MRI1: variants seen among roughly 807,000 people sequenced by gnomAD.
The protein encoded by MRI1 is methylthioribose-1-phosphate isomerase 1, also known as methylthioribose-1-phosphate isomerase.
MRI1 carries 32 observed loss-of-function variants against 27.3 expected under a neutral mutation model. The ratio of observed to expected loss-of-function variants is 1.17; its 90% confidence interval spans 0.88 to 1.57. MRI1 has a LOEUF of 1.57. Ranked by LOEUF, MRI1 falls within the 40% of genes most tolerant of loss-of-function variation. MRI1 has a pLI of 0.00. For missense variants in MRI1, 508 were observed against 516.1 expected (o/e 0.98, Z 0.15); for synonymous variants, 216 against 227.4 (o/e 0.95, Z 0.45).
rs1974289742 is a variant in MRI1 at position 13,772,497 on chromosome 19, A to C, written c.*216A>C. ...CCCACTGTATGATCTTGGGCAAGTC[A>C]CTTCACCTCTCTGTGCCTTGGTTTC... On this transcript the variant is annotated 3_prime_UTR_variant, in exon 6 of 6. Coordinates refer to ENST00000040663, the MANE Select transcript of MRI1 (RefSeq NM_001031727.4). The C allele has an allele frequency of 2.1e-6, 1 of 473,010 alleles. No homozygotes were observed. The highest frequency in any genetic ancestry group is 2.0e-5 in the African/African-American group (1 of 50,112). The allele number at this position is 473,010 out of a possible 1,614,324, so 29.3% of individuals were successfully genotyped here. A position where few individuals can be genotyped will look rare whatever the true frequency, so the allele number is the denominator to read the frequency against.
At position 13,773,628 on chromosome 19, in the gene MRI1, CT is replaced by C. The variant is rs1555707574; in HGVS notation, c.*1350del. ...TAAGCAACAGAGTGAGACCCCATCT[CT>C]TTAAAAAAAAAAAAAAATCCATGAT... On this transcript the variant is annotated 3_prime_UTR_variant, in exon 6 of 6. Coordinates refer to ENST00000040663, the MANE Select transcript of MRI1 (RefSeq NM_001031727.4). 2,293 of 123,318 alleles carry C rather than the reference CT, an allele frequency of 0.019. 31 individuals are homozygous for C. The highest frequency in any genetic ancestry group is 0.033 in the South Asian group (119 of 3,584). 7.6% of individuals were successfully genotyped at this position (123,318 alleles called of 1,614,324 possible).
rs1026481351 is a variant in MRI1 at position 13,768,551 on chromosome 19, G to C, written c.548-10G>C. ...CCGGGGCCTTCTCCTGGTGGGTGGG[G>C]CCCCCGCAGGTGTGATTCGCTCACT... On this transcript the variant is annotated splice_polypyrimidine_tract_variant and intron_variant, in intron 3 of 5. Transcript: ENST00000040663. 1 of 1,598,278 alleles carries C rather than the reference G, an allele frequency of 6.3e-7. No homozygotes were observed. Among genetic ancestry groups the C allele is most frequent in the Admixed American group, 1.7e-5 (1 of 58,456 alleles).
intron 4 of MRI1, 34 bp from the exon 5 acceptor site, chr19:13,768,790 A>G: frequency 6.3e-7 from 1 of 1,592,674 alleles, no homozygotes; most frequent in Non-Finnish European, 8.6e-7. Flanking sequence ...GGGCCAGGTA[A>G]TGACCCCCAA....
In MRI1 at chr19:13,764,609, C is replaced by A; in HGVS notation, c.21C>A (p.Arg7=). 1 of 1,609,688 alleles carries A rather than the reference C, an allele frequency of 6.2e-7. No individual in the cohort carries two copies. The change falls in exon 1 of 6, where the codon CGC becomes CGA. Residue 7 remains arginine, a synonymous_variant. Transcript: ENST00000040663. MTLEAI[R]YSRGSLQILD... ...GCACCATGACCCTGGAGGCGATCCG[C>A]TACTCGCGGGGCTCCCTGCAGATCC...
rs755020242 is a variant in MRI1, at chr19:13,764,722, TGCAGCGGG to T, written c.132+5_132+12del. On this transcript the variant is annotated splice_donor_5th_base_variant and intron_variant, in intron 1 of 5. Transcript: ENST00000040663. Reference sequence around the variant, plus strand: ...TGGGAGGCCATCCGCGCCATGAAGGTGCAGCGGGGCGGCGGGGCGGCGGGGCGGCGGGG... The same window carrying T: ...TGGGAGGCCATCCGCGCCATGAAGGTGCGGCGGGGCGGCGGGGCGGCGGGG... 1.5e-6 allele frequency: 2 copies of T among 1,321,242 alleles called. No homozygotes were observed. Among genetic ancestry groups the T allele is most frequent in the Non-Finnish European group, 1.9e-6 (2 of 1,032,006 alleles). 81.8% of individuals were successfully genotyped at this position (1,321,242 alleles called of 1,614,324 possible). A position where few individuals can be genotyped will look rare whatever the true frequency, so the allele number is the denominator to read the frequency against.
In MRI1 at chr19:13,766,197, T is replaced by C. The variant is rs1016073575; in HGVS notation, c.547+68T>C. ...ACTTTTTTAGATACAAGAGAAAGAA[T>C]CCCAAACCCAAACCACTTTATCCAC... On this transcript the variant is annotated intron_variant, in intron 3 of 5. Transcript: ENST00000040663. The C allele has an allele frequency of 4.9e-6, 7 of 1,416,890 alleles. No homozygotes were observed. The Admixed American group carries it at 1.8e-4, about 36-fold the overall frequency. The allele number at this position is 1,416,890 out of a possible 1,614,324, so 87.8% of individuals were successfully genotyped here. A position where few individuals can be genotyped will look rare whatever the true frequency, so the allele number is the denominator to read the frequency against.
At chr19:13,767,730 A>T (rs1974169096) in intron 3 of MRI1, among the ~76,000 whole-genome samples, 1 of 151,198 alleles carries the variant, frequency 6.6e-6, no homozygotes, top group African/African-American at 2.4e-5. Context: ...ATTGCTTTTT[A>T]TTTATTTATT....
At chr19:13,772,060 A>G (rs1175192123) in intron 5 of MRI1, 61 bp from the exon 6 acceptor site, 1 of 1,501,908 alleles carries the variant, frequency 6.7e-7, no homozygotes, top group Non-Finnish European at 9.0e-7. Context: ...AGATGACTAC[A>G]ACCTGAGAAC....
chr19:13,772,584 T>G lies in MRI1; in HGVS notation c.*303T>G, dbSNP rs1040785645. 1 of 192,938 alleles carries G rather than the reference T, an allele frequency of 5.2e-6. No individual in the cohort carries two copies. Among genetic ancestry groups the G allele is most frequent in the Non-Finnish European group, 1.1e-5 (1 of 93,080 alleles). The allele number at this position is 192,938 out of a possible 1,614,324, so 12.0% of individuals were successfully genotyped here. A position where few individuals can be genotyped will look rare whatever the true frequency, so the allele number is the denominator to read the frequency against. On this transcript the variant is annotated 3_prime_UTR_variant, in exon 6 of 6. Coordinates refer to ENST00000040663, the MANE Select transcript of MRI1 (RefSeq NM_001031727.4). ...TGGCTCACACCTGTAATCCCAGCAC[T>G]TTGGGAGGCCGAGGCAGGTGGATCA...
At position 13,764,693 on chromosome 19, in the gene MRI1, G is replaced by A. The variant is rs746566924; in HGVS notation, c.105G>A (p.Gln35=). ...SRYEAVGSVH[Q]AWEAIRAMKV... is the part of the protein sequence containing the mutation. ...ACGAGGCGGTGGGCTCGGTGCACCA[G>A]GCCTGGGAGGCCATCCGCGCCATGA... is the stretch of plus-strand genomic sequence containing the variant. Residue 35 remains glutamine (Q), a synonymous_variant, in exon 1 of 6, where the codon CAG becomes CAA. Transcript: ENST00000040663. The A allele has an allele frequency of 8.5e-6, 13 of 1,538,150 alleles. No homozygotes were observed. The South Asian group carries it at 1.4e-4, about 17-fold the overall frequency.
At position 13,766,064 on chromosome 19, in the gene MRI1, A is replaced by C. The variant is rs549711082; in HGVS notation, c.482A>C (p.Lys161Thr). 2 of 1,613,012 alleles carry C rather than the reference A, an allele frequency of 1.2e-6. No homozygotes were observed. Among genetic ancestry groups the C allele is most frequent in the South Asian group, 2.2e-5 (2 of 91,036 alleles). Reference protein sequence around the residue: ...LLERVAPSGGKVTVLTHCNTG... With the variant: ...LLERVAPSGGTVTVLTHCNTG... ...GAGCGGGTGGCCCCCAGCGGTGGCA[A>C]GGTGACTGTGCTGACCCACTGTAAC... Residue 161 changes from lysine to threonine, a missense_variant, in exon 3 of 6, where the codon AAG becomes ACG. Lys to Thr is a moderately conservative substitution (Grantham distance 78, BLOSUM62 -1). Around this residue, in one of 3 missense-constraint regions of MRI1, gnomAD observed 457 missense variants for 452.8 expected, o/e 1.01. Transcript: ENST00000040663.
At chr19:13,769,081 G>A (rs1285257842) in intron 5 of MRI1, 33 bp downstream of exon 5, 1 of 1,552,106 alleles carries the variant, frequency 6.4e-7, no homozygotes, top group Admixed American at 1.8e-5. Flanking sequence ...GGACACCCCA[G>A]CTCCTGGGCA....
In MRI1 at chr19:13,773,001, A is replaced by G. The variant is rs1018744046; in HGVS notation, c.*720A>G. 6.9e-6 allele frequency: 1 copy of G among 144,142 alleles called. No homozygotes were observed. 8.9% of individuals were successfully genotyped at this position (144,142 alleles called of 1,614,324 possible). On this transcript the variant is annotated 3_prime_UTR_variant, in exon 6 of 6. Transcript: ENST00000040663. ...CCAAGATAAAAAATATTTTAAAGCA[A>G]TATTTTGTTTTGGGTTTTTTTTTTT...
rs1056132612 is a variant in MRI1 at position 13,772,839 on chromosome 19, T to C, written c.*558T>C. 6.6e-5 allele frequency: 10 copies of C among 151,470 alleles called. No individual in the cohort carries two copies. Among genetic ancestry groups the C allele is most frequent in the South Asian group, 6.2e-4 (3 of 4,808 alleles). The allele number at this position is 151,470 out of a possible 1,614,324, so 9.4% of individuals were successfully genotyped here. On this transcript the variant is annotated 3_prime_UTR_variant, in exon 6 of 6. Transcript: ENST00000040663. Reference sequence around the variant, plus strand: ...CGAGACTCCGTCTCAAAAATAAATATAATTAATTAATTATTTAATTAAAAA... The same window carrying C: ...CGAGACTCCGTCTCAAAAATAAATACAATTAATTAATTATTTAATTAAAAA...
intron 3 of MRI1, among the ~76,000 whole-genome samples, chr19:13,767,578 G>A (rs888251939): frequency 6.6e-6 from 1 of 152,028 alleles, no homozygotes; most frequent in African/African-American, 2.4e-5. Flanking sequence ...GCCAAGGTGG[G>A]CGGATCGCTT....
chr19:13,769,311 G>A (rs1363631755), intron 5 of MRI1, among the ~76,000 whole-genome samples: 1 of 152,114 alleles, frequency 6.6e-6, no homozygotes, highest in African/African-American at 2.4e-5. Context: ...CTATAGGTGG[G>A]TGCCACCACG....
intron 3 of MRI1, 138 bp downstream of exon 3, chr19:13,766,267 C>T (rs542311476): frequency 5.6e-6 from 4 of 716,722 alleles, no homozygotes; most frequent in East Asian, 3.1e-5. Flanking sequence ...AACACTTATA[C>T]AGTTGGCTTC....
chr19:13,768,922 C>G lies in MRI1; in HGVS notation c.823C>G (p.Pro275Ala), dbSNP rs1248578809. 5 of 1,614,160 alleles carry G rather than the reference C, an allele frequency of 3.1e-6. No homozygotes were observed. The highest frequency in any genetic ancestry group is 1.1e-5 in the South Asian group (1 of 91,088). The change falls in exon 5 of 6, where the codon CCC (proline) becomes GCC (alanine). Residue 275 changes from proline to alanine, a missense_variant. This residue lies in a region of MRI1 where 457 missense variants were observed against 452.8 expected (regional missense o/e 1.01). Coordinates refer to ENST00000040663, the MANE Select transcript of MRI1 (RefSeq NM_001031727.4). ...LAIVAKHHGI[P>A]FYVAAPSSSC... The stretch of plus-strand genomic sequence containing the variant: ...CATTGTCGCCAAGCACCATGGCATT[C>G]CCTTCTACGTGGCTGCCCCCAGCTC...
At chr19:13,768,517 T>G in intron 3 of MRI1, 44 bp from the exon 4 acceptor site, 1 of 1,594,810 alleles carries the variant, frequency 6.3e-7, no homozygotes, top group South Asian at 1.1e-5. Context: ...CCTGTCTGTT[T>G]GCCCCTCCCC....
Sources: gnomAD v4.1 joint callset for allele counts (sites outside exome capture counted in the v4.1 genomes callset) on GRCh38, gnomAD v4.1.1 for gene constraint, gnomAD v4.1.1 regional missense constraint, MANE v1.5 for transcripts, NCBI Gene and HGNC (gene_info 2026-07-23, HGNC 2026-07-21) for gene names.